The following TUBGCP6 variants were observed in gnomAD, a reference collection of about 807,000 sequenced individuals.
TUBGCP6 encodes the protein tubulin gamma complex component 6.
A neutral mutation model predicts 175.8 loss-of-function variants in TUBGCP6; 161 were observed. The observed-to-expected ratio is 0.92, with a 90% CI of 0.81 to 1.04. The LOEUF is 1.04. Among genes scored for constraint, TUBGCP6 ranks in the 50% least tolerant of loss-of-function variants. The probability of loss-of-function intolerance (pLI) is 0.00; values close to 1 mark genes in which losing one functional copy is unlikely to be tolerated. For missense variants in TUBGCP6, 2,572 were observed against 2,433.0 expected (o/e 1.06, Z -1.20); for synonymous variants, 1,173 against 1,030.5 (o/e 1.14, Z -2.65).
Position 50,218,803 on chromosome 22 carries a change from G to A in TUBGCP6, c.4721C>T (p.Thr1574Ile). 1 of 1,614,130 alleles carries A rather than the reference G, an allele frequency of 6.2e-7. No individual in the cohort carries two copies. The highest frequency in any genetic ancestry group is 8.5e-7 in the Non-Finnish European group (1 of 1,180,014). ...KALQCSLHGD[T>I]PHASNLSLAL... ...GAGGGAGAGGTTGGAGGCGTGCGGG[G>A]TGTCCCCATGCAGGCTGCACTGCAG... is the stretch of plus-strand genomic sequence containing the variant. The change falls in exon 21 of 25, where the codon ACC becomes ATC. Residue 1574 changes from threonine (T) to isoleucine (I), a missense_variant. Physicochemically the swap from Thr to Ile is moderately conservative, Grantham distance 89 (BLOSUM62 -1). Transcript: ENST00000248846.
intron 1 of TUBGCP6, among the ~76,000 whole-genome samples, chr22:50,240,921 G>A (rs1213531711): frequency 2.6e-5 from 4 of 152,186 alleles, no homozygotes; most frequent in Non-Finnish European, 4.4e-5. Flanking sequence ...CCCGGGAAGC[G>A]GAGGTTGCAG....
At chr22:50,241,262 A>T (rs2064835531) in intron 1 of TUBGCP6, among the ~76,000 whole-genome samples, 2 of 152,228 alleles carry the variant, frequency 1.3e-5, no homozygotes, top group South Asian at 4.1e-4. Context: ...GCCTTCTGTC[A>T]TGCCCAGACA....
intron 17 of TUBGCP6, 65 bp downstream of exon 17, chr22:50,219,892 T>C (rs1465178877): frequency 6.2e-7 from 1 of 1,605,002 alleles, no homozygotes; most frequent in Admixed American, 1.7e-5. Flanking sequence ...CCCACCCGCG[T>C]GACAACCTAG....
chr22:50,230,846 G>A (rs983966857), intron 3 of TUBGCP6, among the ~76,000 whole-genome samples: 1 of 151,424 alleles, frequency 6.6e-6, no homozygotes, highest in African/African-American at 2.4e-5. Context: ...CACTTTGGGA[G>A]GCCGAAGCAA....
At position 50,224,245 on chromosome 22, in the gene TUBGCP6, C is replaced by G. The variant is rs374213322; in HGVS notation, c.2166G>C (p.Ala722=). The G allele has an allele frequency of 1.2e-6, 2 of 1,614,114 alleles. No homozygotes were observed. Among genetic ancestry groups the G allele is most frequent in the African/African-American group, 1.3e-5 (1 of 75,030 alleles). Residue 722 remains alanine, a synonymous_variant, in exon 13 of 25, where the codon GCG becomes GCC. Coordinates refer to ENST00000248846, the MANE Select transcript of TUBGCP6 (RefSeq NM_020461.4). ...QFVKDQERRQ[A]ARQEELDDDF... Reference sequence around the variant, plus strand: ...CATCATCCAGCTCCTCCTGCCTGGCCGCCTGGCGTCGCTATAAAACACATA... The same window carrying G: ...CATCATCCAGCTCCTCCTGCCTGGCGGCCTGGCGTCGCTATAAAACACATA...
Position 50,218,281 on chromosome 22 carries a change from G to A in TUBGCP6, c.5076C>T (p.Thr1692=), listed in dbSNP as rs1454764886. The A allele has an allele frequency of 1.9e-6, 3 of 1,612,998 alleles. No individual in the cohort carries two copies. Among genetic ancestry groups the A allele is most frequent in the African/African-American group, 2.7e-5 (2 of 74,940 alleles). Residue 1692 remains threonine (T), a synonymous_variant, in exon 23 of 25, where the codon ACC becomes ACT. Transcript: ENST00000248846. ...CCAACCTGGCCCTGAACTCGCACCAGGTGACGTGCAGGATCTGGTTGGCGA... is the reference window on the plus strand; with the variant it reads ...CCAACCTGGCCCTGAACTCGCACCAAGTGACGTGCAGGATCTGGTTGGCGA... ...GYIANQILHV[T]WCEFRARLAT...
In TUBGCP6 at chr22:50,219,210, C is replaced by T. The variant is rs1362074591; in HGVS notation, c.4485-1G>A. 1 of 1,610,984 alleles carries T rather than the reference C, an allele frequency of 6.2e-7. No individual in the cohort carries two copies. The highest frequency in any genetic ancestry group is 8.5e-7 in the Non-Finnish European group (1 of 1,179,938). ...AGCGGCCTTGTTCACCAAGGAGATG[C>T]TGGCAGGAGGGAGCTGGAGTCAGGG... On this transcript the variant is annotated splice_acceptor_variant, in intron 19 of 24. Coordinates refer to ENST00000248846, the MANE Select transcript of TUBGCP6 (RefSeq NM_020461.4). LOFTEE classifies it high-confidence loss of function.
chr22:50,218,523 G>GC lies in TUBGCP6; in HGVS notation c.4918dup (p.Ala1640GlyfsTer191). Reference sequence around the variant, plus strand: ...GAGGTGGAAGCAGACGTCCTTGAGCGCCCACATCATGAGCTTCAGCTGCAG... The same window carrying GC: ...GAGGTGGAAGCAGACGTCCTTGAGCGCCCCACATCATGAGCTTCAGCTGCAG... On this transcript the variant is annotated frameshift_variant, in exon 22 of 25. Coordinates refer to ENST00000248846, the MANE Select transcript of TUBGCP6 (RefSeq NM_020461.4). LOFTEE classifies it high-confidence loss of function. The GC allele has an allele frequency of 6.2e-7, 1 of 1,613,696 alleles. No homozygotes were observed. Among genetic ancestry groups the GC allele is most frequent in the Non-Finnish European group, 8.5e-7 (1 of 1,179,960 alleles).
At position 50,221,693 on chromosome 22, in the gene TUBGCP6, G is replaced by A. The variant is rs201179290; in HGVS notation, c.2666C>T (p.Pro889Leu). 5.3e-6 allele frequency: 8 copies of A among 1,517,522 alleles called. No homozygotes were observed. Among genetic ancestry groups the A allele is most frequent in the African/African-American group, 1.4e-5 (1 of 71,800 alleles). The allele number at this position is 1,517,522 out of a possible 1,614,324, so 94.0% of individuals were successfully genotyped here. The stretch of plus-strand genomic sequence containing the variant: ...TCCAATGCTGAGGCTGTCAGAGAAG[G>A]GTCTGGCCCCCTCCGCCTGCTGCAG... ...RGLQQAEGAR[P>L]FSDSLSIGDF... The change falls in exon 16 of 25, where the codon CCC becomes CTC. Residue 889 changes from proline (P) to leucine (L), a missense_variant. By Grantham distance (98) the Pro-to-Leu change is moderately conservative. Transcript: ENST00000248846.
chr22:50,220,553 TG>T lies in TUBGCP6; in HGVS notation c.3805del (p.His1269MetfsTer55). ...CATGTGGGGCGGAGGGATGGGTACA[TG>T]GGTGTTCCACCGTGGCCGGGTGGAA... The part of the protein sequence containing the change: ...VVSTRPRWNT[H>X]VPIPPPHMVL... On this transcript the variant is annotated frameshift_variant, in exon 16 of 25. Transcript: ENST00000248846. LOFTEE classifies it high-confidence loss of function. The T allele has an allele frequency of 1.9e-6, 3 of 1,613,584 alleles. No individual in the cohort carries two copies. The highest frequency in any genetic ancestry group is 2.5e-6 in the Non-Finnish European group (3 of 1,180,006).
rs777124149 is a variant in TUBGCP6, at chr22:50,224,385, G to A, written c.2101C>T (p.Arg701Trp). 8.1e-6 allele frequency: 13 copies of A among 1,614,146 alleles called. No individual in the cohort carries two copies. Among genetic ancestry groups the A allele is most frequent in the South Asian group, 7.7e-5 (7 of 91,074 alleles). Residue 701 changes from arginine (R) to tryptophan (W), a missense_variant, in exon 12 of 25, where the codon CGG becomes TGG. Physicochemically the swap from Arg to Trp is moderately radical, Grantham distance 101. Transcript: ENST00000248846. ...AGCCTCTGAAACTGCTCACGCTTCC[G>A]GGCATCCAAGGCCATCCGTTCTGAC... ...QMSERMALDARKREQFQRLKE... is the reference protein window; with the variant it reads ...QMSERMALDAWKREQFQRLKE...
Position 50,220,809 on chromosome 22 carries a change from G to A in TUBGCP6, c.3550C>T (p.Arg1184Trp), listed in dbSNP as rs773111557. Reference sequence around the variant, plus strand: ...GACACGTGTCCATGGGTGTTCCACCGTGGCCGGGCGGGAGCCATGTCTGAC... The same window carrying A: ...GACACGTGTCCATGGGTGTTCCACCATGGCCGGGCGGGAGCCATGTCTGAC... ...SVSDMAPARP[R>W]WNTHGHVSDA... The change falls in exon 16 of 25, where the codon CGG (arginine) becomes TGG (tryptophan). Residue 1184 changes from arginine to tryptophan, a missense_variant. By Grantham distance (101) the Arg-to-Trp change is moderately radical (BLOSUM62 -3). Coordinates refer to ENST00000248846, the MANE Select transcript of TUBGCP6 (RefSeq NM_020461.4). 2.3e-5 allele frequency: 37 copies of A among 1,596,062 alleles called. No homozygotes were observed. Among genetic ancestry groups the A allele is most frequent in the Middle Eastern group, 1.7e-4 (1 of 6,016 alleles).
rs117613659 is a variant in TUBGCP6 at position 50,221,170 on chromosome 22, G to A, written c.3189C>T (p.Val1063=). 104 of 1,554,320 alleles carry A rather than the reference G, an allele frequency of 6.7e-5. No homozygotes were observed. The highest frequency in any genetic ancestry group is 1.7e-4 in the Middle Eastern group (1 of 5,804). Residue 1063 remains valine, a synonymous_variant, in exon 16 of 25, where the codon GTC becomes GTT. Coordinates refer to ENST00000248846, the MANE Select transcript of TUBGCP6 (RefSeq NM_020461.4). The part of the protein sequence containing the change: ...HGHVSDASIR[V]GENVSDVAPT... ...GAGCCACATCTGACACATTCTCCCC[G>A]ACCCTGATGCTGGCGTCAGACACGT...
intron 1 of TUBGCP6, among the ~76,000 whole-genome samples, chr22:50,241,893 G>C (rs901740140): frequency 4.9e-5 from 7 of 142,360 alleles, no homozygotes; most frequent in Non-Finnish European, 7.5e-5. Context: ...TCTCTGTCTT[G>C]TGTCTTTATT....
At position 50,244,506 on chromosome 22, in the gene TUBGCP6, C is replaced by T. The variant is rs774580833; in HGVS notation, c.-47G>A. On this transcript the variant is annotated 5_prime_UTR_variant, in exon 1 of 25. Transcript: ENST00000248846. ...CCCGGCGTGTGGGAAAACACCTCAC[C>T]CGGGCTTCACTCACGCTCCGGAAGA... 3 of 1,545,772 alleles carry T rather than the reference C, an allele frequency of 1.9e-6. No individual in the cohort carries two copies. Among genetic ancestry groups the T allele is most frequent in the Admixed American group, 1.9e-5 (1 of 51,398 alleles).
intron 3 of TUBGCP6, among the ~76,000 whole-genome samples, chr22:50,231,634 C>T (rs77767060): frequency 0.027 from 4,076 of 151,956 alleles, 109 homozygotes; most frequent in East Asian, 0.13. Flanking sequence ...CCGAGACGGG[C>T]GGATCACAAT....
chr22:50,231,834 T>C (rs1011783352), intron 3 of TUBGCP6, among the ~76,000 whole-genome samples: 3 of 133,606 alleles, frequency 2.2e-5, no homozygotes, highest in Admixed American at 1.7e-4. Flanking sequence ...CCCTCCAGCC[T>C]GGGCCACAGA....
chr22:50,229,767 GACC>G (rs1013730441), intron 3 of TUBGCP6, among the ~76,000 whole-genome samples, 190 bp from the exon 4 acceptor site: 8 of 152,146 alleles, frequency 5.3e-5, no homozygotes, highest in Non-Finnish European at 1.0e-4. Flanking sequence ...AATCCTCACT[GACC>G]ACACTGAAAA....
At chr22:50,228,778 G>A (rs116092239) in intron 4 of TUBGCP6, among the ~76,000 whole-genome samples, 1,658 of 151,892 alleles carry the variant, frequency 0.011, 13 homozygotes, top group African/African-American at 0.021. Context: ...CACCCCACCC[G>A]ACAGCCCCTG....
Sources: allele counts gnomAD v4.1 joint callset (sites outside exome capture counted in the v4.1 genomes callset), GRCh38; gene constraint gnomAD v4.1.1; transcripts MANE v1.5; gene names NCBI Gene and HGNC (gene_info 2026-07-23, HGNC 2026-07-21).